EIF2AK3: variants seen among roughly 807,000 people sequenced by gnomAD.
The protein encoded by EIF2AK3 is eukaryotic translation initiation factor 2 alpha kinase 3.
A neutral mutation model predicts 113.5 loss-of-function variants in EIF2AK3; 50 were observed. The ratio of observed to expected loss-of-function variants is 0.44; its 90% CI spans 0.35 to 0.56. The LOEUF (loss-of-function observed/expected upper bound fraction) is 0.56. Among genes scored for constraint, EIF2AK3 ranks in the 20% least tolerant of loss-of-function variants. EIF2AK3 has a pLI of 0.00. For missense variants in EIF2AK3, 1,185 were observed against 1,378.0 expected (o/e 0.86, Z 2.22); for synonymous variants, 448 against 495.4 (o/e 0.90, Z 1.27).
At position 88,562,315 on chromosome 2, in the gene EIF2AK3, A is replaced by G; in HGVS notation, c.3061T>C (p.Phe1021Leu). 1 of 1,614,072 alleles carries G rather than the reference A, an allele frequency of 6.2e-7. No individual in the cohort carries two copies. Among genetic ancestry groups the G allele is most frequent in the Non-Finnish European group, 8.5e-7 (1 of 1,179,944 alleles). ...CTGACTCTCTCCATCTGAGTGCTGAATGGATACAGCAATTCAAATAGAATC... is the reference window on the plus strand; with the variant it reads ...CTGACTCTCTCCATCTGAGTGCTGAGTGGATACAGCAATTCAAATAGAATC... ...GLILFELLYP[F>L]STQMERVRTL... The change falls in exon 15 of 17, where the codon TTC becomes CTC. Residue 1021 changes from phenylalanine (F) to leucine (L), a missense_variant. Phe to Leu is a conservative substitution (Grantham distance 22, BLOSUM62 0). Transcript: ENST00000303236.
At chr2:88,588,738 A>T in intron 7 of EIF2AK3, 23 bp downstream of exon 7, 1 of 1,613,340 alleles carries the variant, frequency 6.2e-7, no homozygotes. Context: ...AACAGTATTT[A>T]GAAAAGTTTA....
At chr2:88,595,995 T>C (rs1675011197) in intron 2 of EIF2AK3, 3 of 387,422 alleles carry the variant, frequency 7.7e-6, no homozygotes, top group African/African-American at 2.1e-5. Context: ...ATCAAGTGAG[T>C]TCAAGAAGAG....
In EIF2AK3 at chr2:88,588,021, A is replaced by G. The variant is rs1381033306; in HGVS notation, c.1390T>C (p.Tyr464His). ...AAGATTGAAAGTGCACCATTACTAT[A>G]TTCTTCATGAGAAAACTTATCATTA... ...LSNDKFSHEE[Y>H]SNGALSILQY... Residue 464 changes from tyrosine to histidine, a missense_variant, in exon 8 of 17, where the codon TAT (tyrosine) becomes CAT (histidine). Around this residue, in one of 3 missense-constraint regions of EIF2AK3, gnomAD observed 877 missense variants for 1,024.2 expected, o/e 0.86. Transcript: ENST00000303236. The G allele has an allele frequency of 6.3e-7, 1 of 1,589,224 alleles. No individual in the cohort carries two copies.
chr2:88,621,093 T>C (rs544260414), intron 1 of EIF2AK3, among the ~76,000 whole-genome samples: 27 of 152,358 alleles, frequency 1.8e-4, no homozygotes, highest in African/African-American at 4.1e-4. Flanking sequence ...AACTGTAAGT[T>C]TGCATAAGTG....
chr2:88,576,614 A>T lies in EIF2AK3; in HGVS notation c.1976T>A (p.Leu659His). ...PGIVRYFNAW[L>H]EAPPEKWQEK... ...TTGCCACTTCTCTGGTGGTGCTTCGAGCCAGGCATTGAAATATCTAACAAT... is the reference window on the plus strand; with the variant it reads ...TTGCCACTTCTCTGGTGGTGCTTCGTGCCAGGCATTGAAATATCTAACAAT... Residue 659 changes from leucine (L) to histidine (H), a missense_variant, in exon 12 of 17, where the codon CTC becomes CAC. Leu to His is a moderately conservative substitution (Grantham distance 99). This residue lies in a region of EIF2AK3 where 877 missense variants were observed against 1,024.2 expected (regional missense o/e 0.86). Transcript: ENST00000303236. The T allele has an allele frequency of 6.2e-7, 1 of 1,614,140 alleles. No homozygotes were observed. Among genetic ancestry groups the T allele is most frequent in the Non-Finnish European group, 8.5e-7 (1 of 1,180,028 alleles).
intron 3 of EIF2AK3, 115 bp from the exon 4 acceptor site, chr2:88,593,520 A>G: frequency 8.0e-7 from 1 of 1,252,296 alleles, no homozygotes; most frequent in Admixed American, 2.0e-5. Flanking sequence ...GGAAATGTGT[A>G]TGAAGTACTC....
chr2:88,570,594 C>T (rs1009461984), intron 14 of EIF2AK3, among the ~76,000 whole-genome samples: 7 of 152,298 alleles, frequency 4.6e-5, no homozygotes, highest in African/African-American at 1.7e-4. Context: ...GGGAGGGTGG[C>T]ATTCAAAGTC....
At chr2:88,585,743 G>T in intron 9 of EIF2AK3, 98 bp downstream of exon 9, 4 of 1,160,146 alleles carry the variant, frequency 3.4e-6, no homozygotes, top group Middle Eastern at 2.0e-4. Flanking sequence ...GAGTAGCTTT[G>T]GTGGAGCAGT....
rs189771745 is a variant in EIF2AK3, at chr2:88,570,405, A to G, written c.2985+469T>C. ...CCTGATTACAGTGCTTTTCCTGTGAAGGCCAAGCAGCCCACAAGGCAACAC... is the reference window on the plus strand; with the variant it reads ...CCTGATTACAGTGCTTTTCCTGTGAGGGCCAAGCAGCCCACAAGGCAACAC... On this transcript the variant is annotated intron_variant, in intron 14 of 16. Transcript: ENST00000303236. 3.9e-5 allele frequency among the ~76,000 whole-genome samples: 6 copies of G among 152,298 alleles called. No individual in the cohort carries two copies. In the East Asian group the frequency reaches 1.2e-3, roughly 29 times the overall value.
At position 88,588,010 on chromosome 2, in the gene EIF2AK3, A is replaced by G. The variant is rs1406529030; in HGVS notation, c.1401T>C (p.Gly467=). ...ATGGATACTGCAAGATTGAAAGTGC[A>G]CCATTACTATATTCTTCATGAGAAA... ...DKFSHEEYSN[G]ALSILQYPYD... is the part of the protein sequence containing the mutation. Residue 467 remains glycine, a synonymous_variant, in exon 8 of 17, where the codon GGT becomes GGC. Transcript: ENST00000303236. The G allele has an allele frequency of 3.8e-6, 6 of 1,586,748 alleles. No homozygotes were observed. Among genetic ancestry groups the G allele is most frequent in the South Asian group, 1.2e-5 (1 of 86,840 alleles).
At chr2:88,592,257 G>A in intron 4 of EIF2AK3, among the ~76,000 whole-genome samples, 1 of 151,972 alleles carries the variant, frequency 6.6e-6, no homozygotes, top group African/African-American at 2.4e-5. Flanking sequence ...ATTTAAAGAA[G>A]GAAACAGAAA....
At chr2:88,620,214 T>C (rs1338627760) in intron 1 of EIF2AK3, among the ~76,000 whole-genome samples, 1 of 152,112 alleles carries the variant, frequency 6.6e-6, no homozygotes, top group Non-Finnish European at 1.5e-5. Flanking sequence ...TTGGTTTCGG[T>C]GTACTTTCCT....
chr2:88,561,222 G>A (rs1673947178), intron 15 of EIF2AK3, among the ~76,000 whole-genome samples: 1 of 151,350 alleles, frequency 6.6e-6, no homozygotes, highest in Non-Finnish European at 1.5e-5. Flanking sequence ...CCAAAGTGTT[G>A]GGATTAGAGG....
chr2:88,561,465 G>A (rs1481142980), intron 15 of EIF2AK3, among the ~76,000 whole-genome samples: 3 of 151,974 alleles, frequency 2.0e-5, no homozygotes, highest in Non-Finnish European at 2.9e-5. Context: ...GTTTTACCGT[G>A]TTAGCCAGGA....
rs1206283606 is a variant in EIF2AK3 at position 88,574,571 on chromosome 2, C to T, written c.2817+95G>A. 4.8e-6 allele frequency: 7 copies of T among 1,446,312 alleles called. No homozygotes were observed. In the East Asian group the frequency reaches 1.2e-4, roughly 25 times the overall value. The allele number at this position is 1,446,312 out of a possible 1,614,324, so 89.6% of individuals were successfully genotyped here. On this transcript the variant is annotated intron_variant, in intron 13 of 16. Transcript: ENST00000303236. ...TGCTCTCAGATGCTTTTACTCTCCC[C>T]AACTCTTAAGGATCCTTCAGAGTAC...
In EIF2AK3 at chr2:88,562,408, G is replaced by T; in HGVS notation, c.2986-18C>A. 1 of 1,600,472 alleles carries T rather than the reference G, an allele frequency of 6.2e-7. No homozygotes were observed. Among genetic ancestry groups the T allele is most frequent in the Non-Finnish European group, 8.6e-7 (1 of 1,167,764 alleles). On this transcript the variant is annotated intron_variant, in intron 14 of 16. Transcript: ENST00000303236. ...CCATGAATCTGAAATCCCACATAAAGAAAATTTAAAAATTAACACAGAGAC... is the reference window on the plus strand; with the variant it reads ...CCATGAATCTGAAATCCCACATAAATAAAATTTAAAAATTAACACAGAGAC...
chr2:88,627,559 G>A (rs1675905072), upstream of EIF2AK3: 1 of 360,722 alleles, frequency 2.8e-6, no homozygotes. Context: ...TGGCCTTGTT[G>A]GGGAAGGTGG....
At chr2:88,618,909 A>G (rs543918500) in intron 1 of EIF2AK3, among the ~76,000 whole-genome samples, 19 of 152,244 alleles carry the variant, frequency 1.2e-4, no homozygotes, top group African/African-American at 3.9e-4. Flanking sequence ...TGTCTTCACA[A>G]AAGCCACCGT....
chr2:88,585,960 G>A lies in EIF2AK3; in HGVS notation c.1531C>T (p.Arg511Cys). 1 of 1,613,998 alleles carries A rather than the reference G, an allele frequency of 6.2e-7. No homozygotes were observed. The highest frequency in any genetic ancestry group is 8.5e-7 in the Non-Finnish European group (1 of 1,179,960). ...AAAAGAAGAACAGGATCCTTTTTGC[G>A]GATATTCTTGTTGTAATGTGGGTTG... ...LDNPHYNKNIRKKDPVLLLHW... is the reference protein window; with the variant it reads ...LDNPHYNKNICKKDPVLLLHW... Residue 511 changes from arginine (R) to cysteine (C), a missense_variant, in exon 9 of 17, where the codon CGC (arginine) becomes TGC (cysteine). This residue lies in a region of EIF2AK3 where 877 missense variants were observed against 1,024.2 expected (regional missense o/e 0.86). Transcript: ENST00000303236.
Sources: gnomAD v4.1 joint callset for allele counts (sites outside exome capture counted in the v4.1 genomes callset) on GRCh38, gnomAD v4.1.1 for gene constraint, gnomAD v4.1.1 regional missense constraint, MANE v1.5 for transcripts, NCBI Gene and HGNC (gene_info 2026-07-23, HGNC 2026-07-21) for gene names.